The following PHEX variants were observed in gnomAD, a reference collection of about 807,000 sequenced individuals.
PHEX encodes the protein phosphate-regulating neutral endopeptidase PHEX.
Under a neutral mutation model 68.0 loss-of-function variants are expected in PHEX, and 16 were observed. The observed-to-expected ratio is 0.24, with a 90% CI of 0.16 to 0.36. PHEX has a LOEUF of 0.36. PHEX is among the 10% of genes least tolerant of loss of function. The probability of loss-of-function intolerance (pLI) is 1.00; values close to 1 mark genes in which losing one functional copy is unlikely to be tolerated. For missense variants in PHEX, 480 were observed against 575.5 expected (o/e 0.83, Z 1.70); for synonymous variants, 208 against 205.1 (o/e 1.01, Z -0.12).
chrX:22,235,874 C>G (rs1602425556), intron 20 of PHEX, among the ~76,000 whole-genome samples: 1 of 110,664 alleles, frequency 9.0e-6, no homozygotes, highest in South Asian at 3.9e-4. Flanking sequence ...ATTGGAATAC[C>G]ACTTTTATTT....
chrX:22,065,180 A>C (rs1031100673), intron 3 of PHEX, among the ~76,000 whole-genome samples: 4 of 112,470 alleles, frequency 3.6e-5, no homozygotes, highest in African/African-American at 6.5e-5. Context: ...AACATTCATG[A>C]ACCTTTTAAT....
chrX:22,230,361 T>G (rs1230872899), intron 20 of PHEX, among the ~76,000 whole-genome samples: 1 of 105,722 alleles, frequency 9.5e-6, no homozygotes, highest in African/African-American at 3.5e-5. Flanking sequence ...TCTAAATTAC[T>G]TTGGGCAGTA....
intron 13 of PHEX, among the ~76,000 whole-genome samples, chrX:22,169,087 T>G (rs1338381410): frequency 8.9e-6 from 1 of 111,973 alleles, no homozygotes; most frequent in African/African-American, 3.3e-5. Context: ...TTCTTGAAAA[T>G]GTAGTCTTTT....
chrX:22,126,308 G>A (rs980426089), intron 11 of PHEX, among the ~76,000 whole-genome samples: 10 of 112,012 alleles, frequency 8.9e-5, no homozygotes, highest in Non-Finnish European at 1.7e-4. Context: ...CTGATTTTAA[G>A]CCTCACAGGA....
At chrX:22,067,626 T>C (rs750963210) in intron 3 of PHEX, among the ~76,000 whole-genome samples, 5 of 111,212 alleles carry the variant, frequency 4.5e-5, no homozygotes, top group African/African-American at 1.6e-4. Flanking sequence ...TGGTGATGTT[T>C]CCAGGGATTG....
At chrX:22,099,468 A>AT in intron 9 of PHEX, 1 of 217,115 alleles carries the variant, frequency 4.6e-6, no homozygotes, top group Non-Finnish European at 8.1e-6. Flanking sequence ...CTGTGTGAAC[A>AT]TCTTTTTTTT....
At chrX:22,179,328 T>A (rs185345189) in intron 14 of PHEX, among the ~76,000 whole-genome samples, 25 of 111,698 alleles carry the variant, frequency 2.2e-4, no homozygotes, top group Middle Eastern at 4.6e-3. Flanking sequence ...TTTTAACTTA[T>A]TTTTTATTTC....
At chrX:22,224,388 G>C (rs1935373801) in intron 18 of PHEX, among the ~76,000 whole-genome samples, 1 of 112,019 alleles carries the variant, frequency 8.9e-6, no homozygotes, top group South Asian at 3.8e-4. Flanking sequence ...ATTCCACAGA[G>C]GATTCTGGAG....
At position 22,078,260 on chromosome X, in the gene PHEX, G is replaced by A. The variant is rs755118472; in HGVS notation, c.663+558G>A. 3.6e-5 allele frequency among the ~76,000 whole-genome samples: 4 copies of A among 112,139 alleles called. No individual in the cohort carries two copies. The South Asian group carries it at 1.1e-3, about 31-fold the overall frequency. On this transcript the variant is annotated intron_variant, in intron 5 of 21. Coordinates refer to ENST00000379374, the MANE Select transcript of PHEX (RefSeq NM_000444.6). ...GAAGACTAACCATGTCTCCCATAAAGCAATGGGCCACATGGACATACCCTG... is the reference window on the plus strand; with the variant it reads ...GAAGACTAACCATGTCTCCCATAAAACAATGGGCCACATGGACATACCCTG...
intron 12 of PHEX, among the ~76,000 whole-genome samples, chrX:22,154,960 C>T (rs182243565): frequency 1.5e-4 from 17 of 112,408 alleles, no homozygotes; most frequent in Admixed American, 2.8e-4. Flanking sequence ...TGCCCAGGCT[C>T]GAGTGCAGTG....
chrX:22,180,938 CT>C (rs1445735124), intron 14 of PHEX, among the ~76,000 whole-genome samples: 1 of 111,877 alleles, frequency 8.9e-6, no homozygotes, highest in Non-Finnish European at 1.9e-5. Flanking sequence ...GGATTTCATT[CT>C]TTTTTATGGC....
At chrX:22,172,529 A>T (rs1321833850) in intron 13 of PHEX, 1 of 111,195 alleles carries the variant, frequency 9.0e-6, no homozygotes, top group Non-Finnish European at 1.9e-5. Flanking sequence ...TCCAGAGCTG[A>T]GCTTTGCAGG....
At position 22,041,434 on chromosome X, in the gene PHEX, C is replaced by T. The variant is rs191387062; in HGVS notation, c.187+2897C>T. 1.2e-3 allele frequency among the ~76,000 whole-genome samples: 130 copies of T among 109,079 alleles called. 2 individuals are homozygous for T. Among genetic ancestry groups the T allele is most frequent in the African/African-American group, 4.1e-3 (123 of 29,899 alleles). 94.7% of individuals were successfully genotyped at this position (109,079 alleles called of 115,157 possible). The stretch of plus-strand genomic sequence containing the variant: ...ATGGAGGCTTCTGGAGGCTAAATAA[C>T]TGCCCAGGGTCTCATCCTGAGTTAG... On this transcript the variant is annotated intron_variant, in intron 2 of 21. Coordinates refer to ENST00000379374, the MANE Select transcript of PHEX (RefSeq NM_000444.6).
At chrX:22,056,710 C>T (rs1293189609) in intron 3 of PHEX, among the ~76,000 whole-genome samples, 2 of 107,291 alleles carry the variant, frequency 1.9e-5, no homozygotes, top group Non-Finnish European at 3.8e-5. Context: ...TGCAGTGAGC[C>T]GAAATCGCTC....
intron 3 of PHEX, among the ~76,000 whole-genome samples, chrX:22,049,638 G>A (rs28429314): frequency 0.33 from 35,411 of 108,119 alleles, 4,528 homozygotes; most frequent in Non-Finnish European, 0.39. Context: ...TTGGGAGGCC[G>A]AGGCAGGTGG....
intron 1 of PHEX, among the ~76,000 whole-genome samples, chrX:22,036,755 C>T (rs1399321637): frequency 9.8e-6 from 1 of 101,993 alleles, no homozygotes; most frequent in Non-Finnish European, 2.0e-5. Flanking sequence ...TTGCTTTATA[C>T]AGAAATCAAA....
At chrX:22,066,322 C>A (rs761751908) in intron 3 of PHEX, among the ~76,000 whole-genome samples, 3 of 112,075 alleles carry the variant, frequency 2.7e-5, no homozygotes, top group African/African-American at 9.7e-5. Context: ...GGTATCCAAA[C>A]GAAGGTGGAG....
At chrX:22,134,361 C>T (rs1932143674) in intron 12 of PHEX, among the ~76,000 whole-genome samples, 1 of 112,338 alleles carries the variant, frequency 8.9e-6, no homozygotes, top group African/African-American at 3.2e-5. Context: ...GAGGCTGAGG[C>T]AGGTGGATCA....
intron 11 of PHEX, 78 bp downstream of exon 11, chrX:22,114,664 G>A: frequency 3.3e-6 from 3 of 900,233 alleles, no homozygotes; most frequent in South Asian, 4.0e-5. Flanking sequence ...ACAGGCTAAT[G>A]TCAGCCTTCC....
Sources: gnomAD v4.1 joint callset for allele counts (sites outside exome capture counted in the v4.1 genomes callset) on GRCh38, gnomAD v4.1.1 for gene constraint, MANE v1.5 for transcripts, NCBI Gene and HGNC (gene_info 2026-07-23, HGNC 2026-07-21) for gene names.